MACF1: variants seen among roughly 807,000 people sequenced by gnomAD.
MACF1 encodes the protein microtubule-actin cross-linking factor 1.
Under a neutral mutation model 854.8 loss-of-function variants are expected in MACF1, and 193 were observed. The observed-to-expected ratio is 0.23, with a 90% CI of 0.20 to 0.25. The LOEUF (loss-of-function observed/expected upper bound fraction) is 0.25, where lower values mean the gene tolerates loss of function less well. MACF1 is among the 10% of genes least tolerant of loss of function. The pLI, the probability that MACF1 is intolerant of heterozygous loss-of-function variation, is 1.00. For missense variants in MACF1, 7,722 were observed against 8,929.1 expected (o/e 0.86, Z 5.45); for synonymous variants, 3,185 against 3,226.7 (o/e 0.99, Z 0.44).
At chr1:39,163,166 CA>C (rs1352729854) in intron 2 of MACF1, among the ~76,000 whole-genome samples, 1 of 151,916 alleles carries the variant, frequency 6.6e-6, no homozygotes, top group Admixed American at 6.6e-5. Flanking sequence ...TCCTGGCCAA[CA>C]TGGTGAAACC....
intron 40 of MACF1, among the ~76,000 whole-genome samples, chr1:39,343,005 G>C (rs928864203): frequency 5.9e-5 from 9 of 152,076 alleles, no homozygotes; most frequent in Non-Finnish European, 1.0e-4. Context: ...ACCAGATTTT[G>C]CTTGGGGGCC....
At chr1:39,129,246 G>A (rs1051115543) in intron 2 of MACF1, among the ~76,000 whole-genome samples, 8 of 152,156 alleles carry the variant, frequency 5.3e-5, no homozygotes, top group Non-Finnish European at 8.8e-5. Context: ...TTTAGTGGGT[G>A]GGATTCAAGA....
chr1:39,361,620 G>A lies in MACF1; in HGVS notation c.12714G>A (p.Met4238Ile), dbSNP rs1464058578. The A allele has an allele frequency of 7.4e-6, 12 of 1,614,096 alleles. No individual in the cohort carries two copies. In the Admixed American group the frequency reaches 8.3e-5, roughly 11 times the overall value. The part of the protein sequence containing the change: ...LQQFMENKSR[M>I]LASGNQPDQD... ...AGTTCATGGAAAACAAAAGTCGGAT[G>A]CTGGCCTCTGGAAATCAGCCAGATC... The change falls in exon 49 of 101, where the codon ATG becomes ATA. Residue 4238 changes from methionine (M) to isoleucine (I), a missense_variant. Coordinates refer to ENST00000564288, the MANE Select transcript of MACF1 (RefSeq NM_001394062.1).
chr1:39,482,815 A>C (rs971107493), intron 99 of MACF1, among the ~76,000 whole-genome samples: 68 of 90,120 alleles, frequency 7.5e-4, no homozygotes, highest in Non-Finnish European at 1.2e-3. Flanking sequence ...AAAAAAAAAA[A>C]CCCCACACAG....
intron 4 of MACF1, chr1:39,254,060 C>T: frequency 2.2e-6 from 1 of 456,880 alleles, no homozygotes; most frequent in Non-Finnish European, 3.9e-6. Flanking sequence ...AGTGGTCAAA[C>T]AGTATTCTGT....
At chr1:39,417,737 T>A (rs1643377211) in intron 58 of MACF1, among the ~76,000 whole-genome samples, 3 of 122,800 alleles carry the variant, frequency 2.4e-5, no homozygotes, top group Admixed American at 8.1e-5. Flanking sequence ...TTTTTTTTTT[T>A]TTTTTTTTTT....
rs1196138645 is a variant in MACF1, at chr1:39,409,069, A to G, written c.15817-13305A>G. On this transcript the variant is annotated intron_variant, in intron 58 of 100. Coordinates refer to ENST00000564288, the MANE Select transcript of MACF1 (RefSeq NM_001394062.1). This position sits in a 1 kb window ranked among gnomAD's most constrained non-coding sequence, Gnocchi z 4.2. Reference sequence around the variant, plus strand: ...GGAAGGGGGAGGAGAGCCGCCCGCCAGCCGAGCACTTCCAGCGAGCTAGCG... The same window carrying G: ...GGAAGGGGGAGGAGAGCCGCCCGCCGGCCGAGCACTTCCAGCGAGCTAGCG... Among the ~76,000 whole-genome samples the G allele has an allele frequency of 6.6e-6, 1 of 150,684 alleles. No individual in the cohort carries two copies. The highest frequency in any genetic ancestry group is 1.5e-5 in the Non-Finnish European group (1 of 67,586).
At chr1:39,140,914 CAAAAAAAA>C (rs34687844) in intron 2 of MACF1, among the ~76,000 whole-genome samples, 31 of 48,290 alleles carry the variant, frequency 6.4e-4, no homozygotes, top group African/African-American at 2.4e-3. Flanking sequence ...GACTCTGTCT[CAAAAAAAA>C]AAAAAAAAAA....
chr1:39,200,787 C>T (rs1234542072), upstream of MACF1, among the ~76,000 whole-genome samples: 2 of 151,268 alleles, frequency 1.3e-5, no homozygotes, highest in Non-Finnish European at 2.9e-5. Flanking sequence ...CAAAGTTCCA[C>T]TTGAGGGGTG....
intron 50 of MACF1, among the ~76,000 whole-genome samples, chr1:39,369,147 G>A (rs1313261150): frequency 6.6e-6 from 1 of 151,768 alleles, no homozygotes; most frequent in African/African-American, 2.4e-5. Context: ...CCCCCTGCTT[G>A]TTTTGACCAC....
At position 39,315,502 on chromosome 1, in the gene MACF1, G is replaced by C. The variant is rs763456907; in HGVS notation, c.3271-11G>C. ...CTGTCTCCCTCTTTATGTGTGTCTTGTTCCTGGCAGCACACCCAGGAGGAT... is the reference window on the plus strand; with the variant it reads ...CTGTCTCCCTCTTTATGTGTGTCTTCTTCCTGGCAGCACACCCAGGAGGAT... On this transcript the variant is annotated splice_polypyrimidine_tract_variant and intron_variant, in intron 26 of 100. Transcript: ENST00000564288. 1.9e-6 allele frequency: 3 copies of C among 1,613,264 alleles called. No homozygotes were observed. In the South Asian group the frequency reaches 3.3e-5, roughly 18 times the overall value.
chr1:39,268,354 T>G, intron 6 of MACF1: 1 of 689,666 alleles, frequency 1.4e-6, no homozygotes, highest in Non-Finnish European at 1.8e-6. Context: ...TTGCTTTCTG[T>G]TTGTGTTACT....
At chr1:39,202,993 A>C (rs1276610915), upstream of MACF1, among the ~76,000 whole-genome samples, 2 of 152,164 alleles carry the variant, frequency 1.3e-5, no homozygotes, top group African/African-American at 4.8e-5. Flanking sequence ...TAGGTTATGC[A>C]CATCTAAAAC....
At chr1:39,366,643 C>A (rs1198849721) in intron 49 of MACF1, among the ~76,000 whole-genome samples, 1 of 149,678 alleles carries the variant, frequency 6.7e-6, no homozygotes, top group African/African-American at 2.5e-5. Context: ...TGTTTAACTA[C>A]TTCGTTGTTT....
intron 2 of MACF1, among the ~76,000 whole-genome samples, chr1:39,172,931 TC>T (rs1344626882): frequency 6.6e-6 from 1 of 152,250 alleles, no homozygotes; most frequent in Admixed American, 6.5e-5. Context: ...CCCTTTTTTG[TC>T]CTTGCTGACC....
chr1:39,387,728 G>C lies in MACF1; in HGVS notation c.14886G>C (p.Leu4962Phe). The C allele has an allele frequency of 1.9e-6, 3 of 1,614,132 alleles. No individual in the cohort carries two copies. Among genetic ancestry groups the C allele is most frequent in the South Asian group, 1.1e-5 (1 of 91,084 alleles). ...AGCGCCGCTCCCTGCTGGAAATATT[G>C]AATAGTGCTGCTGACATTCTGATCA... is the stretch of plus-strand genomic sequence containing the variant. ...VEKRRSLLEILNSAADILINS... is the reference protein window; with the variant it reads ...VEKRRSLLEIFNSAADILINS... Residue 4962 changes from leucine to phenylalanine, a missense_variant, in exon 58 of 101, where the codon TTG (leucine) becomes TTC (phenylalanine). This residue lies in a region of MACF1 where 2,807 missense variants were observed against 3,235.8 expected (regional missense o/e 0.87). Coordinates refer to ENST00000564288, the MANE Select transcript of MACF1 (RefSeq NM_001394062.1).
intron 2 of MACF1, among the ~76,000 whole-genome samples, chr1:39,090,946 G>A (rs1314585515): frequency 1.3e-5 from 2 of 152,016 alleles, no homozygotes; most frequent in South Asian, 2.1e-4. Context: ...GATTTGGCCC[G>A]GCCACTGCTT....
At chr1:39,365,352 A>G (rs1215643634) in intron 49 of MACF1, among the ~76,000 whole-genome samples, 1 of 152,224 alleles carries the variant, frequency 6.6e-6, no homozygotes, top group African/African-American at 2.4e-5. Context: ...CTGGGATTAC[A>G]GACATGAGCC....
intron 2 of MACF1, among the ~76,000 whole-genome samples, chr1:39,242,351 A>G (rs1048533690): frequency 2.0e-5 from 3 of 147,540 alleles, no homozygotes; most frequent in Non-Finnish European, 4.5e-5. Context: ...CTCTGCCTCA[A>G]AAAAAAAAAA....
Sources: gnomAD v4.1 joint callset for allele counts (sites outside exome capture counted in the v4.1 genomes callset) on GRCh38, gnomAD v4.1.1 for gene constraint, gnomAD v4.1.1 regional missense constraint, Gnocchi (gnomAD v3.1) non-coding constraint, MANE v1.5 for transcripts, NCBI Gene and HGNC (gene_info 2026-07-23, HGNC 2026-07-21) for gene names.